KCNH8: variants seen among roughly 807,000 people sequenced by gnomAD.
KCNH8 encodes the protein voltage-gated delayed rectifier potassium channel KCNH8.
Under a neutral mutation model 103.6 loss-of-function variants are expected in KCNH8, and 70 were observed. That is an observed-to-expected ratio of 0.68 (90% CI 0.56 to 0.82). The LOEUF (loss-of-function observed/expected upper bound fraction) is 0.82, where lower values mean the gene tolerates loss of function less well. Ranked by LOEUF, KCNH8 falls within the 40% of genes least tolerant of loss-of-function variation. KCNH8 has a pLI of 0.00. For missense variants in KCNH8, 1,217 were observed against 1,329.9 expected (o/e 0.92, Z 1.32); for synonymous variants, 498 against 489.4 (o/e 1.02, Z -0.23).
intron 1 of KCNH8, among the ~76,000 whole-genome samples, chr3:19,228,079 T>C (rs1053757966): frequency 6.6e-6 from 1 of 152,256 alleles, no homozygotes; most frequent in African/African-American, 2.4e-5. Context: ...TAAACCAGAA[T>C]TGGAATCCAA....
intron 5 of KCNH8, among the ~76,000 whole-genome samples, chr3:19,379,421 C>T (rs1267487782): frequency 1.3e-5 from 2 of 152,118 alleles, no homozygotes; most frequent in Non-Finnish European, 2.9e-5. Flanking sequence ...GTGGGCAGAT[C>T]ACGAGGCCAG....
intron 11 of KCNH8, among the ~76,000 whole-genome samples, chr3:19,492,634 T>C (rs1354492000): frequency 6.6e-6 from 1 of 152,190 alleles, no homozygotes; most frequent in African/African-American, 2.4e-5. Flanking sequence ...TTTGTTGTTG[T>C]TGTTGCTTAG....
intron 7 of KCNH8, among the ~76,000 whole-genome samples, chr3:19,395,940 A>G (rs2066509995): frequency 6.6e-6 from 1 of 152,042 alleles, no homozygotes; most frequent in African/African-American, 2.4e-5. Flanking sequence ...ATCTGCATAA[A>G]TGAATCGGAA....
intron 3 of KCNH8, among the ~76,000 whole-genome samples, chr3:19,299,565 T>G (rs1024700640): frequency 6.6e-6 from 1 of 152,178 alleles, no homozygotes; most frequent in African/African-American, 2.4e-5. Flanking sequence ...ATTATTCACA[T>G]TTTTAAATCT....
At chr3:19,503,450 A>G (rs922235034) in intron 11 of KCNH8, among the ~76,000 whole-genome samples, 1 of 152,198 alleles carries the variant, frequency 6.6e-6, no homozygotes, top group African/African-American at 2.4e-5. Context: ...AGGACTATAA[A>G]TCATGCTGCT....
At chr3:19,470,083 T>C (rs1260967882) in intron 11 of KCNH8, among the ~76,000 whole-genome samples, 1 of 152,134 alleles carries the variant, frequency 6.6e-6, no homozygotes, top group Non-Finnish European at 1.5e-5. Context: ...TTAATTCTTA[T>C]TTTAGGATAG....
rs1310658340 is a variant in KCNH8, at chr3:19,340,368, T to C, written c.443-2219T>C. Among the ~76,000 whole-genome samples, 248 of 150,866 alleles carry C rather than the reference T, an allele frequency of 1.6e-3. 1 individual carries two copies. Among genetic ancestry groups the C allele is most frequent in the African/African-American group, 5.8e-3 (238 of 41,368 alleles). ...TTATTTTTTTTTTAATTTTTTTTTTTTTTATTATACTCTAAGTTTTAGGGT... is the reference window on the plus strand; with the variant it reads ...TTATTTTTTTTTTAATTTTTTTTTTCTTTATTATACTCTAAGTTTTAGGGT... On this transcript the variant is annotated intron_variant, in intron 3 of 15. Coordinates refer to ENST00000328405, the MANE Select transcript of KCNH8 (RefSeq NM_144633.3).
At chr3:19,501,304 G>A (rs2125233589) in intron 11 of KCNH8, among the ~76,000 whole-genome samples, 1 of 152,198 alleles carries the variant, frequency 6.6e-6, no homozygotes, top group Non-Finnish European at 1.5e-5. Flanking sequence ...CAACGAAAAA[G>A]AGTCCAGACC....
intron 1 of KCNH8, among the ~76,000 whole-genome samples, chr3:19,240,487 C>T (rs1237454932): frequency 6.6e-6 from 1 of 151,932 alleles, no homozygotes; most frequent in African/African-American, 2.4e-5. Context: ...TGGCGCATGC[C>T]TGTAATCCCA....
intron 5 of KCNH8, among the ~76,000 whole-genome samples, chr3:19,383,719 A>C (rs1041243559): frequency 6.6e-6 from 1 of 152,156 alleles, no homozygotes; most frequent in Non-Finnish European, 1.5e-5. Context: ...ATTAATATTT[A>C]CTTCAAATGA....
intron 5 of KCNH8, among the ~76,000 whole-genome samples, chr3:19,388,470 A>G (rs1021947174): frequency 2.6e-5 from 4 of 152,092 alleles, no homozygotes; most frequent in Non-Finnish European, 2.9e-5. Context: ...CACGGTGGCC[A>G]TGCTTCCGTG....
intron 1 of KCNH8, among the ~76,000 whole-genome samples, chr3:19,202,423 C>T (rs1361223788): frequency 6.6e-6 from 1 of 152,084 alleles, no homozygotes; most frequent in Non-Finnish European, 1.5e-5. Flanking sequence ...TAGTCAATGA[C>T]CAGCCTGTCC....
chr3:19,336,498 C>T (rs780196141), intron 3 of KCNH8, among the ~76,000 whole-genome samples: 6 of 151,572 alleles, frequency 4.0e-5, no homozygotes, highest in Non-Finnish European at 3.0e-5. Flanking sequence ...TGGTAGATAC[C>T]ATAGATATTC....
intron 1 of KCNH8, among the ~76,000 whole-genome samples, chr3:19,202,934 G>A (rs148834693): frequency 1.8e-4 from 27 of 152,164 alleles, no homozygotes; most frequent in South Asian, 1.2e-3. Flanking sequence ...CTGACCACCC[G>A]ACGATACAAA....
At chr3:19,372,882 GTC>G (rs1479231959) in intron 5 of KCNH8, among the ~76,000 whole-genome samples, 1 of 151,998 alleles carries the variant, frequency 6.6e-6, no homozygotes, top group Non-Finnish European at 1.5e-5. Flanking sequence ...TGTGGTTTTT[GTC>G]TTTGGCTCAT....
At chr3:19,216,995 G>T (rs1366591742) in intron 1 of KCNH8, among the ~76,000 whole-genome samples, 3 of 152,192 alleles carry the variant, frequency 2.0e-5, no homozygotes, top group Admixed American at 2.0e-4. Flanking sequence ...AGGTAGAAAA[G>T]ATATTTAACC....
At chr3:19,311,926 C>A (rs538407160) in intron 3 of KCNH8, among the ~76,000 whole-genome samples, 190 of 151,984 alleles carry the variant, frequency 1.3e-3, no homozygotes, top group Middle Eastern at 0.01. Flanking sequence ...GATTTTCTGT[C>A]AATTGTTGTA....
intron 5 of KCNH8, among the ~76,000 whole-genome samples, chr3:19,373,442 G>T (rs1175836663): frequency 2.6e-5 from 4 of 152,256 alleles, no homozygotes; most frequent in African/African-American, 9.6e-5. Flanking sequence ...GTATTTTTGT[G>T]GGATCGGTGG....
chr3:19,343,761 C>T (rs2065692721), intron 4 of KCNH8, among the ~76,000 whole-genome samples: 1 of 152,036 alleles, frequency 6.6e-6, no homozygotes, highest in African/African-American at 2.4e-5. Flanking sequence ...AAAACAGGAC[C>T]ATTCATCAGA....
Sources: gnomAD v4.1 joint callset for allele counts (sites outside exome capture counted in the v4.1 genomes callset) on GRCh38, gnomAD v4.1.1 for gene constraint, MANE v1.5 for transcripts, NCBI Gene and HGNC (gene_info 2026-07-23, HGNC 2026-07-21) for gene names.